Variants in ACSL5 observed in about 807,000 individuals in gnomAD.
ACSL5 encodes acyl-CoA synthetase long chain family member 5.
ACSL5 carries 50 observed loss-of-function variants against 84.9 expected under a neutral mutation model. The ratio of observed to expected loss-of-function variants is 0.59; its 90% CI spans 0.47 to 0.75. The LOEUF is 0.75. Ranked by LOEUF, ACSL5 falls within the 30% of genes least tolerant of loss-of-function variation. The probability of loss-of-function intolerance (pLI) is 0.00; values close to 1 mark genes in which losing one functional copy is unlikely to be tolerated. For synonymous variants in ACSL5, 280 were observed against 300.7 expected (o/e 0.93, Z 0.71); for missense variants, 775 against 830.4 (o/e 0.93, Z 0.82).
chr10:112,409,753 C>T, intron 7 of ACSL5, 68 bp downstream of exon 7: 1 of 1,504,258 alleles, frequency 6.6e-7, no homozygotes, highest in Non-Finnish European at 9.2e-7. Flanking sequence ...TGCAAGATAC[C>T]TTCCCAAGAG....
intron 1 of ACSL5, among the ~76,000 whole-genome samples, chr10:112,374,493 T>C (rs1159876469): frequency 6.6e-6 from 1 of 152,148 alleles, no homozygotes; most frequent in Non-Finnish European, 1.5e-5. Context: ...ATCCAAATGC[T>C]AGCAGGGGAT....
chr10:112,400,382 A>AT (rs11385029), intron 3 of ACSL5, among the ~76,000 whole-genome samples: 63,220 of 134,614 alleles, frequency 0.47, 15,136 homozygotes, highest in South Asian at 0.58. Context: ...CACCTGGCTA[A>AT]TTTTTTTTTC....
At chr10:112,397,957 C>CAT (rs903610593) in intron 2 of ACSL5, among the ~76,000 whole-genome samples, 3 of 152,048 alleles carry the variant, frequency 2.0e-5, no homozygotes, top group South Asian at 2.1e-4. Context: ...ATCTCTCCTC[C>CAT]ATATATATAC....
chr10:112,375,789 G>A (rs1272989092), intron 1 of ACSL5, among the ~76,000 whole-genome samples: 2 of 152,198 alleles, frequency 1.3e-5, no homozygotes, highest in Admixed American at 6.5e-5. Flanking sequence ...TGTCGTTCCT[G>A]ACTTGCTTAT....
intron 17 of ACSL5, among the ~76,000 whole-genome samples, chr10:112,422,927 A>G (rs563251895): frequency 1.3e-5 from 2 of 149,624 alleles, no homozygotes; most frequent in East Asian, 2.0e-4. Context: ...GGTGGCTCAC[A>G]CCTGTAATCC....
At chr10:112,392,333 ACGG>A (rs879813819) in intron 1 of ACSL5, among the ~76,000 whole-genome samples, 24,402 of 139,428 alleles carry the variant, frequency 0.18, 7,659 homozygotes, top group East Asian at 0.38. Context: ...TTGGCCAGGT[ACGG>A]TGGCTCACAC....
rs749716222 is a variant in ACSL5 at position 112,422,345 on chromosome 10, C to T, written c.1497C>T (p.Asn499=). 8.7e-6 allele frequency: 14 copies of T among 1,613,908 alleles called. No individual in the cohort carries two copies. The highest frequency in any genetic ancestry group is 1.6e-4 in the Middle Eastern group (1 of 6,062). The change falls in exon 17 of 21, where the codon AAC becomes AAT. Residue 499 remains asparagine, a synonymous_variant. Transcript: ENST00000354655. ...NEGEVCIKGT[N]VFKGYLKDPE... ...TGCAGGTCTGCATCAAGGGTACAAA[C>T]GTGTTCAAAGGATACCTGAAGGACC... is the stretch of plus-strand genomic sequence containing the variant.
rs142039657 is a variant in ACSL5, at chr10:112,421,597, A to T, written c.1319A>T (p.Tyr440Phe). The stretch of plus-strand genomic sequence containing the variant: ...AGCTCTTCTTTGGTTTCCCAGGTGT[A>T]TGAAGCTTATGGTCAAACAGAATGC... ...FFRAAMGCQV[Y>F]EAYGQTECTG... The change falls in exon 15 of 21, where the codon TAT (tyrosine) becomes TTT (phenylalanine). Residue 440 changes from tyrosine (Y) to phenylalanine (F), a missense_variant. Physicochemically the swap from Tyr to Phe is conservative, Grantham distance 22. Coordinates refer to ENST00000354655, the MANE Select transcript of ACSL5 (RefSeq NM_203379.2). 307 of 1,614,000 alleles carry T rather than the reference A, an allele frequency of 1.9e-4. 1 individual carries two copies. The African/African-American group carries it at 3.7e-3, about 20-fold the overall frequency.
At chr10:112,386,938 G>A (rs1443877275) in intron 1 of ACSL5, among the ~76,000 whole-genome samples, 3 of 152,146 alleles carry the variant, frequency 2.0e-5, no homozygotes, top group Non-Finnish European at 2.9e-5. Flanking sequence ...TTATAAAACT[G>A]AAACATACTA....
chr10:112,424,555 AGGGT>A (rs1844597718), intron 17 of ACSL5: 1 of 152,242 alleles, frequency 6.6e-6, no homozygotes, highest in African/African-American at 2.4e-5. Flanking sequence ...TCCCCACACC[AGGGT>A]TATAGAAGGC....
Position 112,417,568 on chromosome 10 carries a change from G to C in ACSL5, c.1219-278G>C, listed in dbSNP as rs1301911694. ...CTCTTATTTTCTTTGGTGGTCTGTT[G>C]AGATTATAAGCAATTTGAGGGGCTG... On this transcript the variant is annotated intron_variant, in intron 13 of 20. Coordinates refer to ENST00000354655, the MANE Select transcript of ACSL5 (RefSeq NM_203379.2). Among the ~76,000 whole-genome samples the C allele has an allele frequency of 3.9e-5, 6 of 151,932 alleles. No individual in the cohort carries two copies. In the East Asian group the frequency reaches 9.6e-4, roughly 24 times the overall value.
rs200347298 is a variant in ACSL5, at chr10:112,413,274, G to A, written c.1050G>A (p.Ala350=). 26 of 1,614,142 alleles carry A rather than the reference G, an allele frequency of 1.6e-5. No individual in the cohort carries two copies. The highest frequency in any genetic ancestry group is 2.7e-5 in the African/African-American group (2 of 75,050). ...CTTTGAAGCCCACATTGTTTCCCGC[G>A]GTGCCTCGACTCCTTAACAGGATCT... The part of the protein sequence containing the change: ...MKTLKPTLFP[A]VPRLLNRIYD... Residue 350 remains alanine (A), a synonymous_variant, in exon 12 of 21, where the codon GCG becomes GCA. Transcript: ENST00000354655.
At chr10:112,395,933 T>C (rs115974206) in intron 2 of ACSL5, 1,735 of 152,514 alleles carry the variant, frequency 0.011, 28 homozygotes, top group African/African-American at 0.036. Flanking sequence ...GCATGTTCAA[T>C]GTCTTCACTG....
At chr10:112,421,325 A>AT (rs1290858937) in intron 14 of ACSL5, among the ~76,000 whole-genome samples, 11 of 150,084 alleles carry the variant, frequency 7.3e-5, no homozygotes, top group African/African-American at 1.7e-4. Flanking sequence ...TGCCCAGCTA[A>AT]TTTTTTTTGT....
At chr10:112,388,315 C>G (rs77511294) in intron 1 of ACSL5, among the ~76,000 whole-genome samples, 2 of 152,138 alleles carry the variant, frequency 1.3e-5, no homozygotes, top group Non-Finnish European at 2.9e-5. Flanking sequence ...CTCTTCTAAG[C>G]CTGGAGGAGT....
intron 1 of ACSL5, among the ~76,000 whole-genome samples, chr10:112,386,258 A>G (rs1016810169): frequency 3.1e-5 from 4 of 129,212 alleles, no homozygotes; most frequent in Admixed American, 2.9e-4. Flanking sequence ...CAGTGGTGCA[A>G]TCTCGGCTCA....
Position 112,427,486 on chromosome 10 carries a change from G to T in ACSL5, c.*128G>T. 1.2e-6 allele frequency: 1 copy of T among 866,610 alleles called. No individual in the cohort carries two copies. Among genetic ancestry groups the T allele is most frequent in the Non-Finnish European group, 1.7e-6 (1 of 598,830 alleles). The allele number at this position is 866,610 out of a possible 1,614,324, so 53.7% of individuals were successfully genotyped here. On this transcript the variant is annotated 3_prime_UTR_variant, in exon 21 of 21. Coordinates refer to ENST00000354655, the MANE Select transcript of ACSL5 (RefSeq NM_203379.2). ...TAACCTGTTAAACTCTAAAGCCATAGCTTTTGTTTTATATTGAGACATATA... is the reference window on the plus strand; with the variant it reads ...TAACCTGTTAAACTCTAAAGCCATATCTTTTGTTTTATATTGAGACATATA...
rs1311800883 is a variant in ACSL5 at position 112,426,254 on chromosome 10, A to G, written c.1738-4A>G. 1.9e-6 allele frequency: 3 copies of G among 1,612,990 alleles called. No individual in the cohort carries two copies. The highest frequency in any genetic ancestry group is 1.3e-5 in the African/African-American group (1 of 74,900). On this transcript the variant is annotated splice_polypyrimidine_tract_variant and splice_region_variant and intron_variant, in intron 18 of 20. Coordinates refer to ENST00000354655, the MANE Select transcript of ACSL5 (RefSeq NM_203379.2). ...CCCTTGCACCTTTTATTTCCTTTCC[A>G]TAGTCATCCTTAGTAGGAGTGGTGG...
intron 17 of ACSL5, 64 bp from the exon 18 acceptor site, chr10:112,425,274 A>T: frequency 1.4e-6 from 2 of 1,418,034 alleles, no homozygotes; most frequent in Non-Finnish European, 1.9e-6. Context: ...TGACTTCACC[A>T]CTCTCCCCAC....
Sources: allele counts gnomAD v4.1 joint callset (sites outside exome capture counted in the v4.1 genomes callset), GRCh38; gene constraint gnomAD v4.1.1; transcripts MANE v1.5; gene names NCBI Gene and HGNC (gene_info 2026-07-23, HGNC 2026-07-21).